The following PIK3R1 variants were observed in gnomAD, a reference collection of about 807,000 sequenced individuals.
PIK3R1 encodes the protein phosphoinositide-3-kinase regulatory subunit 1.
In PIK3R1, 29 loss-of-function variants were observed where a neutral mutation model predicts 98.0. That is an observed-to-expected ratio of 0.30 (90% CI 0.22 to 0.40). The LOEUF is 0.40. PIK3R1 is among the 10% of genes least tolerant of loss of function. The pLI is 1.00. For synonymous variants in PIK3R1, 282 were observed against 311.8 expected (o/e 0.90, Z 1.01); for missense variants, 596 against 872.7 (o/e 0.68, Z 3.99).
chr5:68,290,685 CTCTTT>C lies in PIK3R1; in HGVS notation c.917-1569_917-1565del, dbSNP rs1747338541. The C allele has an allele frequency of 2.5e-6, 4 of 1,580,950 alleles. No individual in the cohort carries two copies. In the African/African-American group the frequency reaches 4.1e-5, roughly 16 times the overall value. ...AGACACCATTACAAAGAAAGCCGGACTCTTTTCTTATAACTGAGCTCAGCCAAGGA... is the reference window on the plus strand; with the variant it reads ...AGACACCATTACAAAGAAAGCCGGACTCTTATAACTGAGCTCAGCCAAGGA... On this transcript the variant is annotated intron_variant, in intron 7 of 15. Coordinates refer to ENST00000521381, the MANE Select transcript of PIK3R1 (RefSeq NM_181523.3).
intron 2 of PIK3R1, among the ~76,000 whole-genome samples, chr5:68,270,555 A>G (rs570670553): frequency 4.3e-4 from 65 of 152,300 alleles, no homozygotes; most frequent in African/African-American, 1.5e-3. Flanking sequence ...ATGCCTGTGT[A>G]ATTTATGAGA....
At chr5:68,232,123 G>A (rs1257165012) in intron 2 of PIK3R1, among the ~76,000 whole-genome samples, 1 of 152,134 alleles carries the variant, frequency 6.6e-6, no homozygotes, top group African/African-American at 2.4e-5. Flanking sequence ...AAACAAATGT[G>A]CTAATTATTT....
chr5:68,288,719 A>C (rs765107823), intron 7 of PIK3R1: 1 of 1,613,490 alleles, frequency 6.2e-7, no homozygotes, highest in South Asian at 1.1e-5. Flanking sequence ...CAGGCATTTC[A>C]AAGGGAAACC....
chr5:68,278,735 T>A (rs187559209), intron 4 of PIK3R1, among the ~76,000 whole-genome samples: 1,958 of 151,668 alleles, frequency 0.013, 45 homozygotes, highest in African/African-American at 0.044. Flanking sequence ...AGGTCAGGAG[T>A]TTGAGACCAG....
At chr5:68,254,314 A>AT (rs1561273201) in intron 2 of PIK3R1, among the ~76,000 whole-genome samples, 2 of 152,156 alleles carry the variant, frequency 1.3e-5, no homozygotes, top group African/African-American at 4.8e-5. Context: ...CTCTTCATCA[A>AT]TTAGTATGGA....
chr5:68,289,188 G>C (rs1187957968), intron 7 of PIK3R1, among the ~76,000 whole-genome samples: 2 of 152,104 alleles, frequency 1.3e-5, no homozygotes, highest in Non-Finnish European at 2.9e-5. Context: ...GGGGAGGGTC[G>C]ACATTTTAAT....
intron 7 of PIK3R1, among the ~76,000 whole-genome samples, chr5:68,285,534 C>T (rs188733741): frequency 3.9e-5 from 6 of 152,314 alleles, no homozygotes; most frequent in African/African-American, 1.4e-4. Flanking sequence ...AACGGGCAAG[C>T]CACACTAGGT....
At chr5:68,232,273 T>G (rs1474480083) in intron 2 of PIK3R1, among the ~76,000 whole-genome samples, 1 of 152,246 alleles carries the variant, frequency 6.6e-6, no homozygotes, top group East Asian at 1.9e-4. Context: ...AAACATTTTT[T>G]CTGTTAACTT....
At position 68,297,616 on chromosome 5, in the gene PIK3R1, G is replaced by A. The variant is rs946942974; in HGVS notation, c.*15G>A. The A allele has an allele frequency of 6.2e-7, 1 of 1,610,496 alleles. No homozygotes were observed. Among genetic ancestry groups the A allele is most frequent in the East Asian group, 2.2e-5 (1 of 44,836 alleles). On this transcript the variant is annotated 3_prime_UTR_variant, in exon 16 of 16. Coordinates refer to ENST00000521381, the MANE Select transcript of PIK3R1 (RefSeq NM_181523.3). ...AGAGGCGATGAAGCGCTTACTCTTT[G>A]ATCCTTCTCCTGAAGTTCAGCCACC... is the stretch of plus-strand genomic sequence containing the variant.
At chr5:68,251,198 T>C (rs1745293485) in intron 2 of PIK3R1, among the ~76,000 whole-genome samples, 2 of 152,164 alleles carry the variant, frequency 1.3e-5, no homozygotes, top group African/African-American at 4.8e-5. Flanking sequence ...CTCTCACCCT[T>C]GTTATTATGG....
At chr5:68,221,668 G>T (rs1408891933) in intron 1 of PIK3R1, among the ~76,000 whole-genome samples, 5 of 152,192 alleles carry the variant, frequency 3.3e-5, no homozygotes, top group Non-Finnish European at 1.5e-5. Flanking sequence ...AGTCAGAGAG[G>T]GCTTTTTTGT....
chr5:68,249,268 C>T (rs1050092504), intron 2 of PIK3R1, among the ~76,000 whole-genome samples: 1 of 152,180 alleles, frequency 6.6e-6, no homozygotes, highest in Non-Finnish European at 1.5e-5. Flanking sequence ...GTTCCTGGAA[C>T]CACCAAAGAA....
intron 2 of PIK3R1, among the ~76,000 whole-genome samples, chr5:68,253,899 AAAACAAT>A (rs1283352632): frequency 6.6e-6 from 1 of 152,208 alleles, no homozygotes; most frequent in African/African-American, 2.4e-5. Context: ...AGGATGACTG[AAAACAAT>A]GAACTATAAA....
At chr5:68,228,745 G>A (rs1371204788) in intron 2 of PIK3R1, among the ~76,000 whole-genome samples, 1 of 152,012 alleles carries the variant, frequency 6.6e-6, no homozygotes, top group Non-Finnish European at 1.5e-5. Flanking sequence ...TATTTAAAAG[G>A]TGGAATAAGG....
intron 1 of PIK3R1, among the ~76,000 whole-genome samples, chr5:68,220,199 T>TAA (rs1406588638): frequency 1.3e-5 from 2 of 152,220 alleles, no homozygotes; most frequent in Admixed American, 1.3e-4. Context: ...TTCCTGAGGT[T>TAA]ACATATTTAG....
chr5:68,282,651 G>C (rs1467920448), intron 7 of PIK3R1, among the ~76,000 whole-genome samples: 2 of 152,130 alleles, frequency 1.3e-5, no homozygotes, highest in African/African-American at 4.8e-5. Flanking sequence ...GTAAAAACGG[G>C]TATCTGCACT....
At chr5:68,217,093 C>CT (rs556832792) in intron 1 of PIK3R1, among the ~76,000 whole-genome samples, 344 of 151,950 alleles carry the variant, frequency 2.3e-3, no homozygotes, top group Non-Finnish European at 3.5e-3. Flanking sequence ...GGTTTTTTTT[C>CT]TTTTTTCTCT....
At position 68,296,247 on chromosome 5, in the gene PIK3R1, C is replaced by T. The variant is rs761888083; in HGVS notation, c.1891C>T (p.Arg631Ter). 3.1e-6 allele frequency: 5 copies of T among 1,614,094 alleles called. No individual in the cohort carries two copies. Among genetic ancestry groups the T allele is most frequent in the Non-Finnish European group, 4.2e-6 (5 of 1,179,998 alleles). Residue 631 changes from arginine to a stop codon, truncating the protein, a stop_gained, in exon 15 of 16, where the codon CGA becomes TGA. Coordinates refer to ENST00000521381, the MANE Select transcript of PIK3R1 (RefSeq NM_181523.3). LOFTEE classifies it high-confidence loss of function. The part of the protein sequence containing the change: ...EKTWNVGSSN[R>*]NKAENLLRGK... The stretch of plus-strand genomic sequence containing the variant: ...GACATGGAATGTTGGAAGCAGCAAC[C>T]GAAACAAAGCTGAAAACCTGTTGCG...
At chr5:68,263,242 A>AAT (rs1554048157) in intron 2 of PIK3R1, among the ~76,000 whole-genome samples, 4 of 113,504 alleles carry the variant, frequency 3.5e-5, no homozygotes, top group Admixed American at 1.6e-4. Context: ...TATATGTAGA[A>AAT]ATATATATAT....
Sources: allele counts gnomAD v4.1 joint callset (sites outside exome capture counted in the v4.1 genomes callset), GRCh38; gene constraint gnomAD v4.1.1; transcripts MANE v1.5; gene names NCBI Gene and HGNC (gene_info 2026-07-23, HGNC 2026-07-21).